Variants in GPC6 observed in about 807,000 individuals in gnomAD.
GPC6 encodes glypican-6.
A neutral mutation model predicts 55.2 loss-of-function variants in GPC6; 14 were observed. The observed-to-expected ratio is 0.25, with a 90% CI of 0.17 to 0.40. The LOEUF is 0.40. Ranked by LOEUF, GPC6 falls within the 10% of genes least tolerant of loss-of-function variation. The probability of loss-of-function intolerance (pLI) is 1.00; values close to 1 mark genes in which losing one functional copy is unlikely to be tolerated. For missense variants in GPC6, 641 were observed against 708.5 expected, an observed-to-expected ratio of 0.90 and a Z score of 1.08; for synonymous variants, 278 against 259.6, an observed-to-expected ratio of 1.07 and a Z score of -0.68.
rs74920980 is a variant in GPC6 at position 93,343,814 on chromosome 13, C to T, written c.160+116198C>T. On this transcript the variant is annotated intron_variant, in intron 1 of 8. Coordinates refer to ENST00000377047, the MANE Select transcript of GPC6 (RefSeq NM_005708.5). ...CTTGGGTTCTTTCTGTTTGGAATTA[C>T]CTTTATACTCCTCTAATCCCCACCT... Among the ~76,000 whole-genome samples, 515 of 152,226 alleles carry T rather than the reference C, an allele frequency of 3.4e-3. 1 individual carries two copies. The highest frequency in any genetic ancestry group is 5.5e-3 in the Non-Finnish European group (375 of 68,014).
intron 3 of GPC6, chr13:94,025,646 G>A (rs1012026202): frequency 1.3e-5 from 2 of 151,924 alleles, no homozygotes; most frequent in African/African-American, 4.8e-5. Flanking sequence ...TTACATAATG[G>A]CATTAATATA....
chr13:94,039,663 A>T (rs912560066), intron 4 of GPC6, among the ~76,000 whole-genome samples: 1 of 151,896 alleles, frequency 6.6e-6, no homozygotes, highest in Non-Finnish European at 1.5e-5. Context: ...GTAGTGTTCT[A>T]TGTTCCTGGG....
At chr13:93,842,757 G>T (rs180954534) in intron 3 of GPC6, among the ~76,000 whole-genome samples, 770 of 152,002 alleles carry the variant, frequency 5.1e-3, no homozygotes, top group African/African-American at 0.018. Context: ...TTTTTTGTTG[G>T]TGGTAAGAAA....
rs1875853458 is a variant in GPC6, at chr13:93,227,796, G to A, written c.160+180G>A. Among the ~76,000 whole-genome samples the A allele has an allele frequency of 6.6e-6, 1 of 152,278 alleles. No individual in the cohort carries two copies. Among genetic ancestry groups the A allele is most frequent in the Non-Finnish European group, 1.5e-5 (1 of 68,006 alleles). ...TGCTCCTGCGGCTTCTTCGGCGGGG[G>A]AAGGTGTGCGTCTCCGCCGCCTCAT... On this transcript the variant is annotated intron_variant, in intron 1 of 8. Transcript: ENST00000377047. The surrounding 1 kb of genome is among the most constrained non-coding windows in gnomAD (Gnocchi z 4.3).
chr13:93,301,452 A>G (rs1174480765), intron 1 of GPC6, among the ~76,000 whole-genome samples: 1 of 152,212 alleles, frequency 6.6e-6, no homozygotes, highest in Non-Finnish European at 1.5e-5. Flanking sequence ...ATTACTCTTC[A>G]TAGTTCCCAG....
In GPC6 at chr13:93,483,797, G is replaced by T. The variant is rs551343530; in HGVS notation, c.161-61466G>T. Among the ~76,000 whole-genome samples, 11 of 152,216 alleles carry T rather than the reference G, an allele frequency of 7.2e-5. No individual in the cohort carries two copies. In the South Asian group the frequency reaches 2.3e-3, roughly 32 times the overall value. The stretch of plus-strand genomic sequence containing the variant: ...GGCTGCATTGTGCTATTAGCCCACA[G>T]AGTGTTGTTTCAATTGTCAGTGTGA... On this transcript the variant is annotated intron_variant, in intron 1 of 8. Coordinates refer to ENST00000377047, the MANE Select transcript of GPC6 (RefSeq NM_005708.5).
At chr13:93,245,513 A>C (rs762239340) in intron 1 of GPC6, among the ~76,000 whole-genome samples, 13 of 152,186 alleles carry the variant, frequency 8.5e-5, no homozygotes, top group Non-Finnish European at 1.6e-4. Flanking sequence ...TCCACCTCCC[A>C]GACTTTCTGA....
In GPC6 at chr13:93,242,100, G is replaced by A. The variant is rs1876452800; in HGVS notation, c.160+14484G>A. Among the ~76,000 whole-genome samples the A allele has an allele frequency of 3.3e-5, 5 of 152,074 alleles. No individual in the cohort carries two copies. The South Asian group carries it at 1.0e-3, about 31-fold the overall frequency. On this transcript the variant is annotated intron_variant, in intron 1 of 8. Coordinates refer to ENST00000377047, the MANE Select transcript of GPC6 (RefSeq NM_005708.5). ...TACTTTTTTCCCCAGTATTTTTTCA[G>A]TGGGTTGAACAATTTAGTCTTCAGT... is the stretch of plus-strand genomic sequence containing the variant.
At chr13:93,673,160 A>G (rs966199729) in intron 2 of GPC6, among the ~76,000 whole-genome samples, 3 of 152,094 alleles carry the variant, frequency 2.0e-5, no homozygotes, top group Admixed American at 2.0e-4. Context: ...ACAGGCAAGA[A>G]GGAGGAGGCA....
At chr13:93,443,398 T>A (rs570299017) in intron 1 of GPC6, among the ~76,000 whole-genome samples, 2 of 152,300 alleles carry the variant, frequency 1.3e-5, no homozygotes, top group African/African-American at 4.8e-5. Flanking sequence ...TCTGGCTATG[T>A]TAACTGGATT....
intron 3 of GPC6, among the ~76,000 whole-genome samples, chr13:93,971,517 T>C (rs1288233715): frequency 6.6e-6 from 1 of 152,216 alleles, no homozygotes; most frequent in African/African-American, 2.4e-5. Context: ...CATCAAAAAA[T>C]TAATTGATCA....
intron 3 of GPC6, among the ~76,000 whole-genome samples, chr13:93,864,605 T>G (rs1888906376): frequency 6.6e-6 from 1 of 151,758 alleles, no homozygotes; most frequent in African/African-American, 2.4e-5. Flanking sequence ...AAAGCTAATA[T>G]TTATTGACCA....
chr13:94,017,132 C>T (rs985813467), intron 3 of GPC6, among the ~76,000 whole-genome samples: 1 of 152,158 alleles, frequency 6.6e-6, no homozygotes, highest in African/African-American at 2.4e-5. Context: ...CGTGCCTGGC[C>T]AGTTTTCTTA....
intron 2 of GPC6, among the ~76,000 whole-genome samples, chr13:93,588,046 A>G (rs1319177876): frequency 2.0e-5 from 3 of 152,196 alleles, no homozygotes; most frequent in South Asian, 2.1e-4. Flanking sequence ...GAGGTAGGAA[A>G]GAGGCAGCTG....
intron 1 of GPC6, among the ~76,000 whole-genome samples, chr13:93,491,814 A>C (rs1298664437): frequency 7.8e-6 from 1 of 127,474 alleles, no homozygotes; most frequent in South Asian, 2.7e-4. Context: ...GAGGTTTGTC[A>C]AAGATCAGAT....
chr13:93,926,151 T>A (rs1877845871), intron 3 of GPC6, among the ~76,000 whole-genome samples: 1 of 152,142 alleles, frequency 6.6e-6, no homozygotes, highest in Non-Finnish European at 1.5e-5. Flanking sequence ...TCATTTCCAT[T>A]GCATTCTTTT....
At chr13:93,588,819 C>A (rs986729036) in intron 2 of GPC6, among the ~76,000 whole-genome samples, 1 of 152,148 alleles carries the variant, frequency 6.6e-6, no homozygotes, top group South Asian at 2.1e-4. Flanking sequence ...TACATTTCAA[C>A]ATGAGATTTG....
At chr13:93,879,716 G>T (rs1344251526) in intron 3 of GPC6, among the ~76,000 whole-genome samples, 5 of 151,896 alleles carry the variant, frequency 3.3e-5, no homozygotes, top group Non-Finnish European at 7.4e-5. Flanking sequence ...TGACAAATGG[G>T]ATCTAAATAA....
At chr13:93,421,293 GC>G (rs1273218295) in intron 1 of GPC6, among the ~76,000 whole-genome samples, 1 of 152,076 alleles carries the variant, frequency 6.6e-6, no homozygotes, top group African/African-American at 2.4e-5. Context: ...CTGGTTAGGA[GC>G]CCCACACTCC....
Sources: gnomAD v4.1 joint callset for allele counts (sites outside exome capture counted in the v4.1 genomes callset) on GRCh38, gnomAD v4.1.1 for gene constraint, Gnocchi (gnomAD v3.1) non-coding constraint, MANE v1.5 for transcripts, NCBI Gene and HGNC (gene_info 2026-07-23, HGNC 2026-07-21) for gene names.